SHISAL1: variants seen among roughly 807,000 people sequenced by gnomAD.
SHISAL1 encodes protein shisa-like-1.
Under a neutral mutation model 22.6 loss-of-function variants are expected in SHISAL1, and 9 were observed. The ratio of observed to expected loss-of-function variants is 0.40; its 90% CI spans 0.24 to 0.70. The LOEUF is 0.70. Among genes scored for constraint, SHISAL1 ranks in the 30% least tolerant of loss-of-function variants. SHISAL1 has a pLI of 0.39. For missense variants in SHISAL1, 246 were observed against 270.6 expected (o/e 0.91, Z 0.64); for synonymous variants, 119 against 115.4 (o/e 1.03, Z -0.20).
rs370225381 is a variant in SHISAL1 at position 44,298,352 on chromosome 22, C to T, written c.68-1467G>A. ...CCCTGATCGGCCTCGAGGGCATCCC[C>T]GGAGGGCTTGTCAGAAATGCAGATT... On this transcript the variant is annotated intron_variant, in intron 2 of 4. Coordinates refer to ENST00000381176, the MANE Select transcript of SHISAL1 (RefSeq NM_001099294.2). Among the ~76,000 whole-genome samples, 10 of 152,222 alleles carry T rather than the reference C, an allele frequency of 6.6e-5. No individual in the cohort carries two copies. In the East Asian group the frequency reaches 7.7e-4, roughly 12 times the overall value.
At chr22:44,257,956 A>G (rs1486351678) in intron 4 of SHISAL1, among the ~76,000 whole-genome samples, 1 of 152,194 alleles carries the variant, frequency 6.6e-6, no homozygotes, top group Non-Finnish European at 1.5e-5. Flanking sequence ...CCTGACCAAC[A>G]TGGTGAAATC....
intron 3 of SHISAL1, 107 bp downstream of exon 3, chr22:44,296,565 C>T (rs2055387314): frequency 1.1e-6 from 1 of 929,334 alleles, no homozygotes; most frequent in Admixed American, 1.9e-5. Flanking sequence ...GCCCACCCAA[C>T]CTTATAGCGG....
chr22:44,267,480 A>C (rs994648560), intron 4 of SHISAL1, among the ~76,000 whole-genome samples: 4 of 134,020 alleles, frequency 3.0e-5, no homozygotes, highest in African/African-American at 8.6e-5. Context: ...CCCCACCACC[A>C]CCCTCAGCCA....
chr22:44,252,628 T>TAA (rs11399241), intron 4 of SHISAL1, among the ~76,000 whole-genome samples: 119 of 140,036 alleles, frequency 8.5e-4, no homozygotes, highest in South Asian at 6.6e-3. Context: ...CACACTTGCT[T>TAA]AAAAAAAAAA....
At chr22:44,318,214 G>C in the SHISAL1 span, among the ~76,000 whole-genome samples, 1 of 152,256 alleles carries the variant, frequency 6.6e-6, no homozygotes, top group Non-Finnish European at 1.5e-5. Context: ...TTTCCAAAAA[G>C]GAACATCCCT....
intron 4 of SHISAL1, among the ~76,000 whole-genome samples, chr22:44,268,070 C>T (rs114222204): frequency 0.013 from 1,914 of 152,306 alleles, 38 homozygotes; most frequent in African/African-American, 0.042. Context: ...CCGCTTGTAG[C>T]CTTCCTTCCT....
rs1320409353 is a variant in SHISAL1 at position 44,246,357 on chromosome 22, TCTCTCTC to T, written c.*3321_*3327del. The T allele has an allele frequency of 2.6e-5, 4 of 151,794 alleles. No individual in the cohort carries two copies. Among genetic ancestry groups the T allele is most frequent in the Admixed American group, 6.5e-5 (1 of 15,298 alleles). 9.4% of individuals were successfully genotyped at this position (151,794 alleles called of 1,614,324 possible). A position where few individuals can be genotyped will look rare whatever the true frequency, so the allele number is the denominator to read the frequency against. ...CCTCTGTGGACATCTTGTCCTCTTCTCTCTCTCGTTTTTCTTTTTGTATTATTATTAT... is the reference window on the plus strand; with the variant it reads ...CCTCTGTGGACATCTTGTCCTCTTCTGTTTTTCTTTTTGTATTATTATTAT... On this transcript the variant is annotated 3_prime_UTR_variant, in exon 5 of 5. Coordinates refer to ENST00000381176, the MANE Select transcript of SHISAL1 (RefSeq NM_001099294.2).
At chr22:44,274,315 C>T (rs986968245) in intron 4 of SHISAL1, among the ~76,000 whole-genome samples, 1 of 152,100 alleles carries the variant, frequency 6.6e-6, no homozygotes, top group Non-Finnish European at 1.5e-5. Context: ...AATCCAGTGC[C>T]CTCAAAAGCT....
intron 4 of SHISAL1, among the ~76,000 whole-genome samples, chr22:44,282,528 A>G (rs1009599420): frequency 2.6e-5 from 4 of 152,220 alleles, no homozygotes; most frequent in African/African-American, 9.6e-5. Flanking sequence ...GTGTGTCTGC[A>G]GCTGTCTTCC....
intron 3 of SHISAL1, among the ~76,000 whole-genome samples, chr22:44,286,024 C>A (rs1242069806): frequency 6.6e-6 from 1 of 152,214 alleles, no homozygotes; most frequent in African/African-American, 2.4e-5. Context: ...CCCACAGAGT[C>A]AGACACTTTG....
intron 1 of SHISAL1, among the ~76,000 whole-genome samples, chr22:44,309,774 G>C (rs1256278764): frequency 6.6e-6 from 1 of 152,220 alleles, no homozygotes; most frequent in African/African-American, 2.4e-5. Flanking sequence ...TTCCTCGGCA[G>C]TGCAGACCTA....
At chr22:44,251,516 G>A (rs918926482) in intron 4 of SHISAL1, among the ~76,000 whole-genome samples, 4 of 152,178 alleles carry the variant, frequency 2.6e-5, no homozygotes, top group African/African-American at 9.7e-5. Context: ...TTTTCACGCT[G>A]CTAATAGACA....
At chr22:44,329,596 G>T in the SHISAL1 span, among the ~76,000 whole-genome samples, 1 of 152,208 alleles carries the variant, frequency 6.6e-6, no homozygotes, top group Non-Finnish European at 1.5e-5. Flanking sequence ...CCCTTGCCTG[G>T]GGCTTTCAGT....
chr22:44,277,525 C>T (rs1172730608), intron 4 of SHISAL1, among the ~76,000 whole-genome samples: 1 of 152,180 alleles, frequency 6.6e-6, no homozygotes, highest in African/African-American at 2.4e-5. Context: ...AGGCCAGCTT[C>T]CTGGAGGGTG....
chr22:44,271,422 C>G (rs574047695), intron 4 of SHISAL1, among the ~76,000 whole-genome samples: 1 of 152,148 alleles, frequency 6.6e-6, no homozygotes, highest in African/African-American at 2.4e-5. Context: ...TTAGAAGCTA[C>G]AGGAAGTCCA....
intron 4 of SHISAL1, among the ~76,000 whole-genome samples, chr22:44,266,528 A>ATGTGTG (rs11473448): frequency 0.07 from 7,546 of 108,260 alleles, 372 homozygotes; most frequent in Non-Finnish European, 0.094. Context: ...GCTTTGGGGT[A>ATGTGTG]TGTGTGTGTG....
At chr22:44,287,571 C>A (rs1279322773) in intron 3 of SHISAL1, among the ~76,000 whole-genome samples, 1 of 152,156 alleles carries the variant, frequency 6.6e-6, no homozygotes, top group African/African-American at 2.4e-5. Context: ...CCCCCACCAC[C>A]ATGAAGCCTG....
intron 4 of SHISAL1, among the ~76,000 whole-genome samples, chr22:44,260,734 GC>G (rs1442612807): frequency 4.6e-5 from 7 of 152,192 alleles, no homozygotes; most frequent in African/African-American, 1.4e-4. Context: ...GGTGGCAGCA[GC>G]CATGCCCCTC....
chr22:44,315,448 CG>C (rs1354542703), upstream of SHISAL1, among the ~76,000 whole-genome samples: 1 of 151,984 alleles, frequency 6.6e-6, no homozygotes, highest in East Asian at 1.9e-4. Flanking sequence ...GGTGTGGTGC[CG>C]GAACTGTCCA....
Sources: allele counts gnomAD v4.1 joint callset (sites outside exome capture counted in the v4.1 genomes callset), GRCh38; gene constraint gnomAD v4.1.1; transcripts MANE v1.5; gene names NCBI Gene and HGNC (gene_info 2026-07-23, HGNC 2026-07-21).